MAD1L1: variants seen among roughly 807,000 people sequenced by gnomAD.
MAD1L1 encodes mitotic arrest deficient 1 like 1, also known as mitotic spindle assembly checkpoint protein MAD1.
Under a neutral mutation model 96.9 loss-of-function variants are expected in MAD1L1, and 95 were observed. That is an observed-to-expected ratio of 0.98 (90% CI 0.83 to 1.16). The LOEUF is 1.16. Ranked by LOEUF, MAD1L1 falls within the 50% of genes most tolerant of loss-of-function variation. The pLI is 0.00. For synonymous variants in MAD1L1, 473 were observed against 396.6 expected (o/e 1.19, Z -2.29); for missense variants, 1,007 against 954.4 (o/e 1.06, Z -0.73).
intron 18 of MAD1L1, among the ~76,000 whole-genome samples, chr7:1,873,473 G>A (rs1025551042): frequency 6.6e-6 from 1 of 152,058 alleles, no homozygotes; most frequent in African/African-American, 2.4e-5. Context: ...GGGGAGCCCT[G>A]GTGGAGAGCT....
chr7:2,047,654 G>A (rs1783983281), intron 12 of MAD1L1, among the ~76,000 whole-genome samples: 1 of 152,216 alleles, frequency 6.6e-6, no homozygotes, highest in African/African-American at 2.4e-5. Context: ...TTCCAGAATG[G>A]TAAGCACAGA....
chr7:2,046,766 C>T (rs1219742602), intron 12 of MAD1L1, among the ~76,000 whole-genome samples: 2 of 152,194 alleles, frequency 1.3e-5, no homozygotes, highest in African/African-American at 4.8e-5. Context: ...CCTTTCCAGA[C>T]CATCTGTCCC....
intron 17 of MAD1L1, among the ~76,000 whole-genome samples, chr7:1,935,176 T>C (rs1363011017): frequency 3.9e-5 from 6 of 152,224 alleles, no homozygotes; most frequent in African/African-American, 1.4e-4. Context: ...CCTAAAAATA[T>C]GGCTCCAAGT....
chr7:2,060,299 G>A (rs1313156534), intron 12 of MAD1L1, among the ~76,000 whole-genome samples: 2 of 147,204 alleles, frequency 1.4e-5, no homozygotes, highest in Non-Finnish European at 3.0e-5. Context: ...CCCGAGATAC[G>A]CCGATCCCGA....
At chr7:2,101,823 A>G (rs1047904318) in intron 11 of MAD1L1, among the ~76,000 whole-genome samples, 2 of 152,218 alleles carry the variant, frequency 1.3e-5, no homozygotes, top group South Asian at 4.1e-4. Context: ...ACAGGGCCAC[A>G]GCTGTCTCAG....
At chr7:1,928,296 C>A (rs1030350336) in intron 17 of MAD1L1, among the ~76,000 whole-genome samples, 2 of 151,702 alleles carry the variant, frequency 1.3e-5, no homozygotes, top group African/African-American at 2.4e-5. Flanking sequence ...AACTGCCACA[C>A]CTGACACTGC....
intron 18 of MAD1L1, among the ~76,000 whole-genome samples, chr7:1,852,360 T>C (rs945729239): frequency 5.3e-5 from 8 of 152,090 alleles, no homozygotes; most frequent in African/African-American, 1.9e-4. Flanking sequence ...GGGGCTGGTG[T>C]CTCTGCCACC....
At chr7:2,141,470 C>T (rs1162346605) in intron 11 of MAD1L1, among the ~76,000 whole-genome samples, 2 of 152,182 alleles carry the variant, frequency 1.3e-5, no homozygotes, top group Admixed American at 6.5e-5. Flanking sequence ...CACAGAGAAC[C>T]CGGCATTGGC....
chr7:2,039,825 T>G (rs952296333), intron 12 of MAD1L1, among the ~76,000 whole-genome samples: 2 of 152,110 alleles, frequency 1.3e-5, no homozygotes, highest in African/African-American at 4.8e-5. Flanking sequence ...TCTTTTCATC[T>G]CTTCACAGGA....
intron 12 of MAD1L1, among the ~76,000 whole-genome samples, chr7:2,044,270 C>T (rs1205361592): frequency 1.3e-5 from 2 of 152,314 alleles, no homozygotes; most frequent in East Asian, 1.9e-4. Flanking sequence ...GGACAATCTC[C>T]GCTCTCTCCA....
At chr7:2,194,872 A>C (rs1485164556) in intron 10 of MAD1L1, among the ~76,000 whole-genome samples, 1 of 152,164 alleles carries the variant, frequency 6.6e-6, no homozygotes, top group Non-Finnish European at 1.5e-5. Context: ...TTAGGAGTTC[A>C]AGACCATCCT....
At chr7:2,090,723 G>C (rs1786166896) in intron 11 of MAD1L1, among the ~76,000 whole-genome samples, 1 of 152,206 alleles carries the variant, frequency 6.6e-6, no homozygotes, top group Admixed American at 6.5e-5. Flanking sequence ...GGAGCTACAG[G>C]TCTGTAAAGA....
chr7:2,001,969 G>GGC, intron 14 of MAD1L1, 96 bp downstream of exon 14: 1 of 1,310,236 alleles, frequency 7.6e-7, no homozygotes, highest in South Asian at 1.2e-5. Context: ...GCCATGCACT[G>GGC]GCGCCTGCAG....
Position 1,815,960 on chromosome 7 carries a change from C to G in MAD1L1, c.*110G>C, listed in dbSNP as rs1216892660. 1.2e-5 allele frequency: 16 copies of G among 1,280,632 alleles called. No individual in the cohort carries two copies. The highest frequency in any genetic ancestry group is 1.7e-5 in the Non-Finnish European group (16 of 946,252). The allele number at this position is 1,280,632 out of a possible 1,614,324, so 79.3% of individuals were successfully genotyped here. Reference sequence around the variant, plus strand: ...GCGTGTCTGTCAGTCATGCTGCTGCCCTGTGGGGCTGGAGAGGCAGGACGT... The same window carrying G: ...GCGTGTCTGTCAGTCATGCTGCTGCGCTGTGGGGCTGGAGAGGCAGGACGT... On this transcript the variant is annotated 3_prime_UTR_variant, in exon 19 of 19. Transcript: ENST00000265854.
intron 18 of MAD1L1, among the ~76,000 whole-genome samples, chr7:1,832,792 C>T (rs1410033504): frequency 8.7e-5 from 13 of 149,568 alleles, no homozygotes; most frequent in African/African-American, 1.2e-4. Flanking sequence ...CCACCATGCC[C>T]GGCTAATTTT....
At chr7:1,890,692 A>C (rs2128437471) in intron 18 of MAD1L1, among the ~76,000 whole-genome samples, 1 of 152,136 alleles carries the variant, frequency 6.6e-6, no homozygotes, top group East Asian at 1.9e-4. Flanking sequence ...GGAGAGGAGG[A>C]GGGAGCCCCG....
chr7:2,207,690 C>T (rs1792670858), intron 10 of MAD1L1, among the ~76,000 whole-genome samples: 1 of 152,208 alleles, frequency 6.6e-6, no homozygotes, highest in South Asian at 2.1e-4. Flanking sequence ...AACAAAGCAT[C>T]TTCCCGAGTT....
At chr7:1,897,994 G>C in intron 18 of MAD1L1, 1 of 609,574 alleles carries the variant, frequency 1.6e-6, no homozygotes, top group South Asian at 1.9e-5. Context: ...GGAGGTCCAG[G>C]GCTGCAAAGC....
chr7:1,983,200 C>A (rs1039399797), intron 14 of MAD1L1, among the ~76,000 whole-genome samples: 5 of 151,344 alleles, frequency 3.3e-5, no homozygotes, highest in Non-Finnish European at 5.9e-5. Context: ...GCTTGTAAGG[C>A]CTTTGCAGTT....
Sources: allele counts gnomAD v4.1 joint callset (sites outside exome capture counted in the v4.1 genomes callset), GRCh38; gene constraint gnomAD v4.1.1; transcripts MANE v1.5; gene names NCBI Gene and HGNC (gene_info 2026-07-23, HGNC 2026-07-21).